The following PTPRS variants were observed in gnomAD, a reference collection of about 807,000 sequenced individuals.
PTPRS encodes the protein receptor-type tyrosine-protein phosphatase S.
Under a neutral mutation model 215.3 loss-of-function variants are expected in PTPRS, and 63 were observed. The observed-to-expected ratio is 0.29, with a 90% confidence interval of 0.24 to 0.36. The LOEUF is 0.36. Among genes scored for constraint, PTPRS ranks in the 10% least tolerant of loss-of-function variants. The pLI is 1.00. For missense variants in PTPRS, 2,258 were observed against 2,825.8 expected, an observed-to-expected ratio of 0.80 and a Z score of 4.56; for synonymous variants, 1,404 against 1,191.4, an observed-to-expected ratio of 1.18 and a Z score of -3.68.
Position 5,221,089 on chromosome 19 carries a change from G to T in PTPRS, c.3366C>A (p.Leu1122=). Residue 1122 remains leucine, a synonymous_variant, in exon 20 of 38, where the codon CTC becomes CTA. Coordinates refer to ENST00000262963, the MANE Select transcript of PTPRS (RefSeq NM_002850.4). ...TVTAWTAFNL[L]NGKPSVAPKP... Reference sequence around the variant, plus strand: ...TGGGGGCGACGCTGGGCTTGCCGTTGAGCAGGTTGAAGGCAGTCCAGGCGG... The same window carrying T: ...TGGGGGCGACGCTGGGCTTGCCGTTTAGCAGGTTGAAGGCAGTCCAGGCGG... 6.2e-7 allele frequency: 1 copy of T among 1,614,000 alleles called. No individual in the cohort carries two copies. Among genetic ancestry groups the T allele is most frequent in the Non-Finnish European group, 8.5e-7 (1 of 1,180,004 alleles).
chr19:5,248,137 G>A (rs568578408), intron 9 of PTPRS, among the ~76,000 whole-genome samples: 9 of 151,978 alleles, frequency 5.9e-5, no homozygotes, highest in Admixed American at 2.0e-4. Flanking sequence ...GCCAGCCGCC[G>A]GCACCCACAG....
At chr19:5,322,047 A>G (rs2050037292) in intron 1 of PTPRS, among the ~76,000 whole-genome samples, 1 of 152,224 alleles carries the variant, frequency 6.6e-6, no homozygotes, top group Non-Finnish European at 1.5e-5. Flanking sequence ...TGAGGCTCAG[A>G]GAGGTTTCAA....
At chr19:5,259,733 G>T (rs553498010) in intron 7 of PTPRS, among the ~76,000 whole-genome samples, 32 of 152,152 alleles carry the variant, frequency 2.1e-4, no homozygotes, top group Non-Finnish European at 4.6e-4. Flanking sequence ...CACAGCCTAT[G>T]GCACCAGGGG....
Position 5,208,224 on chromosome 19 carries a change from C to A in PTPRS, c.5642+13G>T. On this transcript the variant is annotated intron_variant, in intron 36 of 37. Coordinates refer to ENST00000262963, the MANE Select transcript of PTPRS (RefSeq NM_002850.4). The stretch of plus-strand genomic sequence containing the variant: ...CAGCAGGGCCAAAAGCTGGGACACT[C>A]GAGGGAGCTCACCTGCAGTGGACAG... 1 of 1,579,718 alleles carries A rather than the reference C, an allele frequency of 6.3e-7. No individual in the cohort carries two copies. The highest frequency in any genetic ancestry group is 8.6e-7 in the Non-Finnish European group (1 of 1,160,122).
At position 5,210,389 on chromosome 19, in the gene PTPRS, T is replaced by C. The variant is rs2144991435; in HGVS notation, c.5487+80A>G. 1 of 1,592,052 alleles carries C rather than the reference T, an allele frequency of 6.3e-7. No individual in the cohort carries two copies. On this transcript the variant is annotated intron_variant, in intron 35 of 37. Coordinates refer to ENST00000262963, the MANE Select transcript of PTPRS (RefSeq NM_002850.4). This position sits in a 1 kb window ranked among gnomAD's most constrained non-coding sequence, Gnocchi z 4.5. ...ATGCTTATGCCTAACCCTTGGCCTT[T>C]GTATCCATCACCAACCAGGGCAGCC...
In PTPRS at chr19:5,207,877, C is replaced by T. The variant is rs373378370; in HGVS notation, c.5778+45G>A. 271 of 1,601,944 alleles carry T rather than the reference C, an allele frequency of 1.7e-4. 3 individuals are homozygous for T. The Middle Eastern group carries it at 2.2e-3, about 13-fold the overall frequency. Reference sequence around the variant, plus strand: ...GAGGAAACTGGAGCTTAGGGGCAGTCGGGGCGTGAGGCCAGGCTGCCTCCC... The same window carrying T: ...GAGGAAACTGGAGCTTAGGGGCAGTTGGGGCGTGAGGCCAGGCTGCCTCCC... On this transcript the variant is annotated intron_variant, in intron 37 of 37. Coordinates refer to ENST00000262963, the MANE Select transcript of PTPRS (RefSeq NM_002850.4).
At chr19:5,290,532 T>G (rs2048727110) in intron 1 of PTPRS, among the ~76,000 whole-genome samples, 1 of 151,222 alleles carries the variant, frequency 6.6e-6, no homozygotes. Context: ...CATAAAGGGG[T>G]GATTATGACC....
At chr19:5,306,892 A>G (rs2049514095) in intron 1 of PTPRS, among the ~76,000 whole-genome samples, 1 of 152,152 alleles carries the variant, frequency 6.6e-6, no homozygotes, top group Non-Finnish European at 1.5e-5. Flanking sequence ...TGATAACACC[A>G]CCTCTAGAAA....
chr19:5,333,630 G>A (rs78635473), intron 1 of PTPRS, among the ~76,000 whole-genome samples: 8,086 of 151,880 alleles, frequency 0.053, 250 homozygotes, highest in Non-Finnish European at 0.072. Context: ...CAGCCACAAA[G>A]CAGCAGGTGC....
intron 13 of PTPRS, among the ~76,000 whole-genome samples, chr19:5,232,206 T>A (rs929972981): frequency 6.6e-6 from 1 of 151,914 alleles, no homozygotes; most frequent in African/African-American, 2.4e-5. Context: ...ATCTATTTAC[T>A]GAACACCTAC....
rs529370343 is a variant in PTPRS, at chr19:5,326,563, G to T, written c.-95+14101C>A. On this transcript the variant is annotated intron_variant, in intron 1 of 37. Transcript: ENST00000262963. ...TGGCTGGGCACGGTGGCTCGTGCCT[G>T]TAATCCCAGCGCTTTGCGAGGCTGA... Among the ~76,000 whole-genome samples the T allele has an allele frequency of 9.2e-5, 14 of 152,198 alleles. No individual in the cohort carries two copies. In the South Asian group the frequency reaches 2.9e-3, roughly 32 times the overall value.
In PTPRS at chr19:5,305,765, A is replaced by ATATAT. The variant is rs1491188046; in HGVS notation, c.-94-19532_-94-19531insATATA. Among the ~76,000 whole-genome samples the ATATAT allele has an allele frequency of 1.8e-3, 166 of 93,388 alleles. 1 individual carries two copies. The highest frequency in any genetic ancestry group is 4.3e-3 in the African/African-American group (94 of 22,072). 61.3% of individuals were successfully genotyped at this position (93,388 alleles called of 152,430 possible). ...TAAATAAATATATATATATATATAT[A>ATATAT]TTTTTTTTTTAAAGGCAAATTCCAA... On this transcript the variant is annotated intron_variant, in intron 1 of 37. Transcript: ENST00000262963.
rs186528413 is a variant in PTPRS at position 5,235,086 on chromosome 19, G to A, written c.1850-3471C>T. ...CTCCCGAGTAGCTGGGACTACAGGC[G>A]CCCGCCACCACGCTCGGCTAATTTT... On this transcript the variant is annotated intron_variant, in intron 13 of 37. Coordinates refer to ENST00000262963, the MANE Select transcript of PTPRS (RefSeq NM_002850.4). Among the ~76,000 whole-genome samples the A allele has an allele frequency of 1.0e-3, 157 of 151,944 alleles. 2 individuals are homozygous for A. The highest frequency in any genetic ancestry group is 2.6e-3 in the Admixed American group (40 of 15,234).
At chr19:5,258,811 G>C (rs2045768437) in intron 7 of PTPRS, among the ~76,000 whole-genome samples, 1 of 152,206 alleles carries the variant, frequency 6.6e-6, no homozygotes, top group African/African-American at 2.4e-5. Context: ...CAAAGCCATG[G>C]ATCCAAGCCT....
chr19:5,247,819 C>T (rs1252313368), intron 9 of PTPRS, among the ~76,000 whole-genome samples: 2 of 151,652 alleles, frequency 1.3e-5, no homozygotes, highest in Admixed American at 6.6e-5. Context: ...TGAATCCGGG[C>T]GGGAGGCAAA....
chr19:5,228,635 C>T (rs958528313), intron 16 of PTPRS, among the ~76,000 whole-genome samples: 7 of 152,156 alleles, frequency 4.6e-5, no homozygotes, highest in East Asian at 1.9e-4. Flanking sequence ...TGAGCCACCA[C>T]GCCCAGCCAA....
chr19:5,227,669 C>G (rs2042622051), intron 16 of PTPRS, among the ~76,000 whole-genome samples: 1 of 152,124 alleles, frequency 6.6e-6, no homozygotes, highest in Admixed American at 6.6e-5. Flanking sequence ...CTTGGCCTCC[C>G]AAAGTGCTGG....
intron 3 of PTPRS, among the ~76,000 whole-genome samples, chr19:5,273,847 G>A (rs1339883549): frequency 2.0e-5 from 3 of 152,206 alleles, no homozygotes; most frequent in Admixed American, 1.3e-4. Context: ...AAGCCCATGT[G>A]ACAGGCATGC....
chr19:5,231,305 C>T lies in PTPRS; in HGVS notation c.2155+5G>A. 1.2e-6 allele frequency: 2 copies of T among 1,600,634 alleles called. No individual in the cohort carries two copies. Among genetic ancestry groups the T allele is most frequent in the Non-Finnish European group, 1.7e-6 (2 of 1,176,678 alleles). On this transcript the variant is annotated splice_donor_5th_base_variant and intron_variant, in intron 14 of 37. Transcript: ENST00000262963. ...GGGGGTCCCGGGCCTGGGGCAGGTA[C>T]TTACCATCCTCGTCGGTGCGGACGA...
Sources: gnomAD v4.1 joint callset for allele counts (sites outside exome capture counted in the v4.1 genomes callset) on GRCh38, gnomAD v4.1.1 for gene constraint, Gnocchi (gnomAD v3.1) non-coding constraint, MANE v1.5 for transcripts, NCBI Gene and HGNC (gene_info 2026-07-23, HGNC 2026-07-21) for gene names.